The following VWA5B1 variants were observed in gnomAD, a reference collection of about 807,000 sequenced individuals.
VWA5B1 encodes the protein von Willebrand factor A domain containing 5B1.
Under a neutral mutation model 118.2 loss-of-function variants are expected in VWA5B1, and 115 were observed. That is an observed-to-expected ratio of 0.97 (90% CI 0.84 to 1.14). The LOEUF (loss-of-function observed/expected upper bound fraction) is 1.14. Ranked by LOEUF, VWA5B1 falls within the 50% of genes most tolerant of loss-of-function variation. VWA5B1 has a pLI of 0.00. For missense variants in VWA5B1, 1,596 were observed against 1,603.8 expected (o/e 1.00, Z 0.08); for synonymous variants, 682 against 658.4 (o/e 1.04, Z -0.55).
intron 2 of VWA5B1, 95 bp downstream of exon 2, chr1:20,310,835 C>T: frequency 7.1e-7 from 1 of 1,400,030 alleles, no homozygotes; most frequent in African/African-American, 1.5e-5. Flanking sequence ...TTAGGCAAGT[C>T]ATGCCACCCC....
chr1:20,319,253 C>A, intron 6 of VWA5B1, 129 bp from the exon 7 acceptor site: 1 of 1,359,982 alleles, frequency 7.4e-7, no homozygotes, highest in Non-Finnish European at 9.9e-7. Context: ...CTTCAGGCAG[C>A]CAGGGCTTCC....
Position 20,354,169 on chromosome 1 carries a change from T to G in VWA5B1, c.3554T>G (p.Leu1185Arg), listed in dbSNP as rs773589752. Residue 1185 changes from leucine to arginine, a missense_variant, in exon 22 of 22, where the codon CTC becomes CGC. Physicochemically the swap from Leu to Arg is moderately radical, Grantham distance 102. Transcript: ENST00000289815. ...EVPEGRTQGT[L>R]KAAARQLFVL... is the part of the protein sequence containing the mutation. ...CCCGAGGGCCGCACGCAGGGCACAC[T>G]CAAGGCCGCTGCCCGCCAGCTGTTT... The G allele has an allele frequency of 3.2e-5, 49 of 1,551,138 alleles. No individual in the cohort carries two copies. The highest frequency in any genetic ancestry group is 1.7e-4 in the Middle Eastern group (1 of 6,012).
intron 1 of VWA5B1, among the ~76,000 whole-genome samples, chr1:20,298,281 A>G (rs1397729265): frequency 6.6e-6 from 1 of 151,956 alleles, no homozygotes; most frequent in Non-Finnish European, 1.5e-5. Context: ...TGGTAGGATT[A>G]CAGGCATGAG....
rs1384229838 is a variant in VWA5B1, at chr1:20,353,922, A to T, written c.3307A>T (p.Thr1103Ser). The change falls in exon 22 of 22, where the codon ACC becomes TCC. Residue 1103 changes from threonine (T) to serine (S), a missense_variant. Coordinates refer to ENST00000289815, the MANE Select transcript of VWA5B1 (RefSeq NM_001039500.3). ...CAAGACCCCGAGTCCCCAGCTGTGC[A>T]CCAGCTCCCCGCCTAGGCACCCGTC... ...ESKTPSPQLCTSSPPRHPSCD... is the reference protein window; with the variant it reads ...ESKTPSPQLCSSSPPRHPSCD... 1 of 1,549,592 alleles carries T rather than the reference A, an allele frequency of 6.5e-7. No homozygotes were observed.
chr1:20,331,883 C>A (rs1458909553), intron 11 of VWA5B1, among the ~76,000 whole-genome samples: 1 of 152,128 alleles, frequency 6.6e-6, no homozygotes, highest in Non-Finnish European at 1.5e-5. Context: ...AAGTCATTTT[C>A]TCCAGGTTTG....
chr1:20,353,881 C>T lies in VWA5B1; in HGVS notation c.3266C>T (p.Thr1089Ile), dbSNP rs1374536168. ...ACCTGCCATCGAGTGTCCCTCACCACCCGCCCGTCTGAGTCCAAGACCCCG... is the reference window on the plus strand; with the variant it reads ...ACCTGCCATCGAGTGTCCCTCACCATCCGCCCGTCTGAGTCCAAGACCCCG... The part of the protein sequence containing the change: ...PFTCHRVSLT[T>I]RPSESKTPSP... Residue 1089 changes from threonine to isoleucine, a missense_variant, in exon 22 of 22, where the codon ACC becomes ATC. Thr to Ile is a moderately conservative substitution (Grantham distance 89). Transcript: ENST00000289815. The T allele has an allele frequency of 6.5e-7, 1 of 1,546,170 alleles. No homozygotes were observed. The highest frequency in any genetic ancestry group is 1.2e-5 in the South Asian group (1 of 82,842).
intron 16 of VWA5B1, 139 bp from the exon 17 acceptor site, chr1:20,345,317 C>A (rs2089983097): frequency 1.9e-6 from 2 of 1,079,632 alleles, no homozygotes; most frequent in East Asian, 2.8e-5. Flanking sequence ...AGCAAGTTGG[C>A]AAGCCCTTGA....
chr1:20,326,459 T>A (rs7549632), intron 8 of VWA5B1, among the ~76,000 whole-genome samples: 4 of 151,764 alleles, frequency 2.6e-5, no homozygotes, highest in Non-Finnish European at 5.9e-5. Flanking sequence ...AACTGTGGGG[T>A]TTTTTTGTTT....
chr1:20,309,537 C>T (rs2088777523), intron 1 of VWA5B1, among the ~76,000 whole-genome samples: 1 of 152,178 alleles, frequency 6.6e-6, no homozygotes, highest in Non-Finnish European at 1.5e-5. Flanking sequence ...ACTGCTGGGA[C>T]CCGCAGGGTG....
Position 20,355,789 on chromosome 1 carries a change from G to A in VWA5B1, c.*1526G>A, listed in dbSNP as rs1427584320. Among the ~76,000 whole-genome samples, 1 of 152,138 alleles carries A rather than the reference G, an allele frequency of 6.6e-6. No homozygotes were observed. The highest frequency in any genetic ancestry group is 6.5e-5 in the Admixed American group (1 of 15,280). On this transcript the variant is annotated 3_prime_UTR_variant, in exon 22 of 22. Transcript: ENST00000289815. ...GAAAAAGCAGCCCCAACATGATATGGTGCCCTGCCCCCCACCCCCACCCCT... is the reference window on the plus strand; with the variant it reads ...GAAAAAGCAGCCCCAACATGATATGATGCCCTGCCCCCCACCCCCACCCCT...
rs12086138 is a variant in VWA5B1 at position 20,345,321 on chromosome 1, C to T, written c.2627-135C>T. 4,108 of 1,132,022 alleles carry T rather than the reference C, an allele frequency of 3.6e-3. 99 individuals carry two copies. In the African/African-American group the frequency reaches 0.055, roughly 15 times the overall value. 70.1% of individuals were successfully genotyped at this position (1,132,022 alleles called of 1,614,324 possible). A position where few individuals can be genotyped will look rare whatever the true frequency, so the allele number is the denominator to read the frequency against. On this transcript the variant is annotated intron_variant, in intron 16 of 21. Transcript: ENST00000289815. ...TGTCTTTAGTTAGCAAGTTGGCAAG[C>T]CCTTGATTTTAAAGGCTTCTTTAAT...
chr1:20,328,037 G>T (rs953765112), intron 9 of VWA5B1, 37 bp downstream of exon 9: 1 of 1,530,388 alleles, frequency 6.5e-7, no homozygotes, highest in Non-Finnish European at 8.9e-7. Flanking sequence ...GGAGGGTGGT[G>T]CATGGTGGGG....
intron 1 of VWA5B1, among the ~76,000 whole-genome samples, chr1:20,295,384 G>A (rs994333675): frequency 6.6e-6 from 1 of 152,164 alleles, no homozygotes; most frequent in Admixed American, 6.5e-5. Flanking sequence ...CAGTCCCAGA[G>A]CAGGGAAGCA....
rs934789520 is a variant in VWA5B1, at chr1:20,310,675, G to T, written c.74G>T (p.Ser25Ile). ...GCGTCTGATGTTACCTCCTGTGTCAGCGGTTATGCCCTGGGCCTAACTGCC... is the reference window on the plus strand; with the variant it reads ...GCGTCTGATGTTACCTCCTGTGTCATCGGTTATGCCCTGGGCCTAACTGCC... Reference protein sequence around the residue: ...LTASDVTSCVSGYALGLTASL... With the variant: ...LTASDVTSCVIGYALGLTASL... Residue 25 changes from serine (S) to isoleucine (I), a missense_variant, in exon 2 of 22, where the codon AGC becomes ATC. Physicochemically the swap from Ser to Ile is moderately radical, Grantham distance 142 (BLOSUM62 -2). Coordinates refer to ENST00000289815, the MANE Select transcript of VWA5B1 (RefSeq NM_001039500.3). 3.9e-6 allele frequency: 6 copies of T among 1,551,084 alleles called. No homozygotes were observed. Among genetic ancestry groups the T allele is most frequent in the Admixed American group, 2.0e-5 (1 of 50,842 alleles).
At chr1:20,342,667 GTTCAAC>G (rs1259260723) in intron 15 of VWA5B1, 58 bp downstream of exon 15, 3 of 1,439,186 alleles carry the variant, frequency 2.1e-6, no homozygotes, top group Non-Finnish European at 2.7e-6. Flanking sequence ...ACTGGCTGTT[GTTCAAC>G]TTCAGATGAC....
intron 19 of VWA5B1, 72 bp downstream of exon 19, chr1:20,350,302 C>G: frequency 6.6e-7 from 1 of 1,508,086 alleles, no homozygotes; most frequent in East Asian, 2.5e-5. Context: ...AGGAGAGTAT[C>G]TTAGCACCGA....
chr1:20,320,923 T>C (rs1282024822), intron 7 of VWA5B1, among the ~76,000 whole-genome samples: 1 of 151,966 alleles, frequency 6.6e-6, no homozygotes, highest in Admixed American at 6.5e-5. Flanking sequence ...TGGAGCGGCT[T>C]CACGTGGGAG....
intron 21 of VWA5B1, 132 bp from the exon 22 acceptor site, chr1:20,353,625 T>A: frequency 8.2e-7 from 1 of 1,216,880 alleles, no homozygotes; most frequent in Non-Finnish European, 1.1e-6. Context: ...GATGCTCAAT[T>A]GACCTGGGTA....
At chr1:20,313,013 C>T (rs908750190) in intron 3 of VWA5B1, 25 bp downstream of exon 3, 32 of 1,546,344 alleles carry the variant, frequency 2.1e-5, no homozygotes, top group Admixed American at 3.9e-5. Context: ...AGGGCTGCCG[C>T]GGGACCTGGG....
Sources: gnomAD v4.1 joint callset for allele counts (sites outside exome capture counted in the v4.1 genomes callset) on GRCh38, gnomAD v4.1.1 for gene constraint, MANE v1.5 for transcripts, NCBI Gene and HGNC (gene_info 2026-07-23, HGNC 2026-07-21) for gene names.